Variants in SH2D5 observed in about 807,000 individuals in gnomAD.
SH2D5 encodes the protein SH2 domain-containing protein 5.
SH2D5 carries 45 observed loss-of-function variants against 48.2 expected under a neutral mutation model. That is an observed-to-expected ratio of 0.93 (90% CI 0.73 to 1.20). SH2D5 has a LOEUF of 1.20. Among genes scored for constraint, SH2D5 ranks in the 50% most tolerant of loss-of-function variants. The pLI, the probability that SH2D5 is intolerant of heterozygous loss-of-function variation, is 0.00. For synonymous variants in SH2D5, 230 were observed against 249.8 expected (o/e 0.92, Z 0.75); for missense variants, 538 against 584.1 (o/e 0.92, Z 0.81).
chr1:20,721,645 C>T lies in SH2D5; in HGVS notation c.*147G>A, dbSNP rs2054686464. The stretch of plus-strand genomic sequence containing the variant: ...GATACCCACCCTCAGGGCTCCCCTC[C>T]CACGGACAGTGACGCGATGGAAGAC... On this transcript the variant is annotated 3_prime_UTR_variant, in exon 10 of 10. Transcript: ENST00000444387. 1 of 726,294 alleles carries T rather than the reference C, an allele frequency of 1.4e-6. No homozygotes were observed. The highest frequency in any genetic ancestry group is 3.1e-5 in the Admixed American group (1 of 32,442). 45.0% of individuals were successfully genotyped at this position (726,294 alleles called of 1,614,324 possible).
chr1:20,721,667 A>C lies in SH2D5; in HGVS notation c.*125T>G, dbSNP rs920092223. ...CTCCCACGGACAGTGACGCGATGGA[A>C]GACTGCTCCAAGGGCAGGGTGACTG... is the stretch of plus-strand genomic sequence containing the variant. On this transcript the variant is annotated 3_prime_UTR_variant, in exon 10 of 10. Coordinates refer to ENST00000444387, the MANE Select transcript of SH2D5 (RefSeq NM_001103161.2). 1.3e-5 allele frequency: 12 copies of C among 909,668 alleles called. No homozygotes were observed. Among genetic ancestry groups the C allele is most frequent in the Admixed American group, 3.0e-5 (1 of 33,578 alleles). 56.3% of individuals were successfully genotyped at this position (909,668 alleles called of 1,614,324 possible).
chr1:20,724,089 C>T lies in SH2D5; in HGVS notation c.793G>A (p.Glu265Lys). 1 of 1,610,774 alleles carries T rather than the reference C, an allele frequency of 6.2e-7. No individual in the cohort carries two copies. The highest frequency in any genetic ancestry group is 8.5e-7 in the Non-Finnish European group (1 of 1,178,554). The change falls in exon 7 of 10, where the codon GAG becomes AAG. Residue 265 changes from glutamate (E) to lysine (K), a missense_variant. Coordinates refer to ENST00000444387, the MANE Select transcript of SH2D5 (RefSeq NM_001103161.2). ...YETQLQLSAR[E>K]AFPAAWEAWP... is the part of the protein sequence containing the mutation. Reference sequence around the variant, plus strand: ...GCATGTTCCCACAACTCACAGGCCTCCCGAGCCGACAGCTGCAGCTGGGTC... The same window carrying T: ...GCATGTTCCCACAACTCACAGGCCTTCCGAGCCGACAGCTGCAGCTGGGTC...
At position 20,728,754 on chromosome 1, in the gene SH2D5, C is replaced by T. The variant is rs536995825; in HGVS notation, c.-42-668G>A. Among the ~76,000 whole-genome samples, 300 of 152,274 alleles carry T rather than the reference C, an allele frequency of 2.0e-3. 2 individuals are homozygous for T. Among genetic ancestry groups the T allele is most frequent in the African/African-American group, 6.8e-3 (282 of 41,554 alleles). On this transcript the variant is annotated intron_variant, in intron 1 of 9. Transcript: ENST00000444387. The surrounding 1 kb of genome is among the most constrained non-coding windows in gnomAD (Gnocchi z 4.3). ...TAGACGCCAGGCTCAGGAATTCAGACCCCACCCTGTGGGTAGTGGGGAGCT... is the reference window on the plus strand; with the variant it reads ...TAGACGCCAGGCTCAGGAATTCAGATCCCACCCTGTGGGTAGTGGGGAGCT...
chr1:20,728,995 G>A lies in SH2D5; in HGVS notation c.-42-909C>T, dbSNP rs993939168. On this transcript the variant is annotated intron_variant, in intron 1 of 9. Transcript: ENST00000444387. This position sits in a 1 kb window ranked among gnomAD's most constrained non-coding sequence, Gnocchi z 4.3. ...GATGCAGACAGGATGTGGGGAAGGAGGACAACTGCCCTGGGGGCTGAGGAC... is the reference window on the plus strand; with the variant it reads ...GATGCAGACAGGATGTGGGGAAGGAAGACAACTGCCCTGGGGGCTGAGGAC... 3.3e-5 allele frequency among the ~76,000 whole-genome samples: 5 copies of A among 152,204 alleles called. No homozygotes were observed. The highest frequency in any genetic ancestry group is 1.3e-4 in the Admixed American group (2 of 15,294).
rs888811911 is a variant in SH2D5, at chr1:20,728,107, A to C, written c.-42-21T>G. On this transcript the variant is annotated intron_variant, in intron 1 of 9. Transcript: ENST00000444387. The surrounding 1 kb of genome is among the most constrained non-coding windows in gnomAD (Gnocchi z 4.3). ...GGAGGCTGCAAAGGGCAGGGGGGGA[A>C]GGGCTGCTTTCGAGGCAGGCAAGCC... The C allele has an allele frequency of 6.2e-4, 775 of 1,243,036 alleles. 1 individual carries two copies. The highest frequency in any genetic ancestry group is 1.0e-3 in the South Asian group (79 of 76,144). 77.0% of individuals were successfully genotyped at this position (1,243,036 alleles called of 1,614,324 possible). A position where few individuals can be genotyped will look rare whatever the true frequency, so the allele number is the denominator to read the frequency against.
rs536199567 is a variant in SH2D5 at position 20,726,169 on chromosome 1, G to A, written c.244-103C>T. On this transcript the variant is annotated intron_variant, in intron 4 of 9. Transcript: ENST00000444387. ...AGAAACCCTCCCTCCTTCCAGGCCC[G>A]CCCAGTCTCAAGCCCTCATCCTTCA... 36 of 1,372,832 alleles carry A rather than the reference G, an allele frequency of 2.6e-5. No individual in the cohort carries two copies. The African/African-American group carries it at 3.6e-4, about 14-fold the overall frequency. The allele number at this position is 1,372,832 out of a possible 1,614,324, so 85.0% of individuals were successfully genotyped here. A position where few individuals can be genotyped will look rare whatever the true frequency, so the allele number is the denominator to read the frequency against.
intron 1 of SH2D5, chr1:20,731,056 T>A (rs2054897960): frequency 6.6e-6 from 1 of 152,352 alleles, no homozygotes; most frequent in Non-Finnish European, 1.5e-5. Context: ...AGCAAATCCA[T>A]GTCTCTGGAG....
Position 20,721,985 on chromosome 1 carries a change from G to T in SH2D5, c.1079C>A (p.Ala360Glu), listed in dbSNP as rs769830510. 5 of 1,612,660 alleles carry T rather than the reference G, an allele frequency of 3.1e-6. No homozygotes were observed. Among genetic ancestry groups the T allele is most frequent in the Non-Finnish European group, 4.2e-6 (5 of 1,179,808 alleles). The change falls in exon 10 of 10, where the codon GCA becomes GAA. Residue 360 changes from alanine to glutamate, a missense_variant. By Grantham distance (107) the Ala-to-Glu change is moderately radical (BLOSUM62 -1). Coordinates refer to ENST00000444387, the MANE Select transcript of SH2D5 (RefSeq NM_001103161.2). ...CAGAGCCTCCAGGCTGGGGAACTCT[G>T]CCGGCAGGTGCTAGGGGAGGAAGGG... Reference protein sequence around the residue: ...LGRYCLEHLPAEFPSLEALVE... With the variant: ...LGRYCLEHLPEEFPSLEALVE...
Position 20,721,627 on chromosome 1 carries a change from AC to A in SH2D5, c.*164del. 1 of 609,388 alleles carries A rather than the reference AC, an allele frequency of 1.6e-6. No individual in the cohort carries two copies. Among genetic ancestry groups the A allele is most frequent in the South Asian group, 2.9e-5 (1 of 34,284 alleles). 37.7% of individuals were successfully genotyped at this position (609,388 alleles called of 1,614,324 possible). ...CTCCAAGAAGCCATTGGCGATACCC[AC>A]CCTCAGGGCTCCCCTCCCACGGACA... On this transcript the variant is annotated 3_prime_UTR_variant, in exon 10 of 10. Coordinates refer to ENST00000444387, the MANE Select transcript of SH2D5 (RefSeq NM_001103161.2).
rs1287077644 is a variant in SH2D5 at position 20,724,385 on chromosome 1, G to T, written c.630+11C>A. The stretch of plus-strand genomic sequence containing the variant: ...GTCCACTGCCCACTCCTTGGCTGGG[G>T]TGCTGCGTACCCCACTGCCCACCAG... On this transcript the variant is annotated intron_variant, in intron 6 of 9. Transcript: ENST00000444387. 6.2e-7 allele frequency: 1 copy of T among 1,611,530 alleles called. No individual in the cohort carries two copies. Among genetic ancestry groups the T allele is most frequent in the South Asian group, 1.1e-5 (1 of 90,990 alleles).
intron 2 of SH2D5, 114 bp from the exon 3 acceptor site, chr1:20,727,717 C>A: frequency 9.3e-7 from 1 of 1,078,746 alleles, no homozygotes; most frequent in Non-Finnish European, 1.4e-6. Context: ...TGTCTGTGGA[C>A]AGACAGAGCT....
At chr1:20,723,516 G>A (rs1296053473) in intron 8 of SH2D5, 110 bp downstream of exon 8, 2 of 777,720 alleles carry the variant, frequency 2.6e-6, no homozygotes, top group African/African-American at 3.5e-5. Context: ...CACTGAGGTT[G>A]GGAGCGCTCT....
intron 6 of SH2D5, 41 bp downstream of exon 6, chr1:20,724,355 C>G: frequency 6.2e-7 from 1 of 1,606,326 alleles, no homozygotes; most frequent in South Asian, 1.1e-5. Flanking sequence ...ATACCCAGTT[C>G]CCTTGTCCAC....
At chr1:20,722,410 A>G (rs1032101272) in intron 9 of SH2D5, among the ~76,000 whole-genome samples, 1 of 152,142 alleles carries the variant, frequency 6.6e-6, no homozygotes, top group Non-Finnish European at 1.5e-5. Flanking sequence ...TCAAGACTCT[A>G]TTAGAGGTAC....
chr1:20,727,429 C>T, intron 3 of SH2D5, 94 bp downstream of exon 3: 1 of 1,242,488 alleles, frequency 8.0e-7, no homozygotes, highest in East Asian at 2.5e-5. Context: ...TCCTGCCCCT[C>T]TCTAACTGTG....
Position 20,723,637 on chromosome 1 carries a change from A to C in SH2D5, c.897T>G (p.Ala299=). 2 of 1,612,624 alleles carry C rather than the reference A, an allele frequency of 1.2e-6. No individual in the cohort carries two copies. The highest frequency in any genetic ancestry group is 1.7e-6 in the Non-Finnish European group (2 of 1,179,730). The part of the protein sequence containing the change: ...GSLTENIWAF[A]GISRPCALAL... ...CAGGCCCTTCCTACCTGGAGATGCC[A>C]GCGAAGGCCCAGATGTTCTCCGTCA... Residue 299 remains alanine (A), a synonymous_variant, in exon 8 of 10, where the codon GCT becomes GCG. Coordinates refer to ENST00000444387, the MANE Select transcript of SH2D5 (RefSeq NM_001103161.2).
chr1:20,725,659 C>G (rs1480190753), intron 5 of SH2D5, among the ~76,000 whole-genome samples: 1 of 152,184 alleles, frequency 6.6e-6, no homozygotes, highest in African/African-American at 2.4e-5. Context: ...ACGGCATGAG[C>G]GAAGGCCTGG....
chr1:20,722,736 T>C lies in SH2D5; in HGVS notation c.1068+20A>G. 1 of 1,442,270 alleles carries C rather than the reference T, an allele frequency of 6.9e-7. No individual in the cohort carries two copies. Among genetic ancestry groups the C allele is most frequent in the Non-Finnish European group, 9.2e-7 (1 of 1,090,220 alleles). The allele number at this position is 1,442,270 out of a possible 1,614,324, so 89.3% of individuals were successfully genotyped here. ...AATGATGCGGCAGGGCCCAGGCCCC[T>C]CTGGCTGCTGCGCTCTTACCTCCAA... On this transcript the variant is annotated intron_variant, in intron 9 of 9. Coordinates refer to ENST00000444387, the MANE Select transcript of SH2D5 (RefSeq NM_001103161.2).
At position 20,722,686 on chromosome 1, in the gene SH2D5, G is replaced by C. The variant is rs2054709548; in HGVS notation, c.1068+70C>G. On this transcript the variant is annotated intron_variant, in intron 9 of 9. Transcript: ENST00000444387. ...GGACCTCAGCAGTTAGAAAAGGGCA[G>C]GCAGGAAGGGCCAGGGATGGAGCCA... 8.7e-6 allele frequency: 12 copies of C among 1,373,770 alleles called. No individual in the cohort carries two copies. The East Asian group carries it at 3.2e-4, about 36-fold the overall frequency. The allele number at this position is 1,373,770 out of a possible 1,614,324, so 85.1% of individuals were successfully genotyped here. A position where few individuals can be genotyped will look rare whatever the true frequency, so the allele number is the denominator to read the frequency against.
Sources: gnomAD v4.1 joint callset for allele counts (sites outside exome capture counted in the v4.1 genomes callset) on GRCh38, gnomAD v4.1.1 for gene constraint, Gnocchi (gnomAD v3.1) non-coding constraint, MANE v1.5 for transcripts, NCBI Gene and HGNC (gene_info 2026-07-23, HGNC 2026-07-21) for gene names.